CERS1: variants seen among roughly 807,000 people sequenced by gnomAD.
CERS1 encodes the protein Embryonic growth/differentiation factor 1.
Under a neutral mutation model 35.7 loss-of-function variants are expected in CERS1, and 16 were observed. The observed-to-expected ratio is 0.45, with a 90% CI of 0.30 to 0.68. The LOEUF (loss-of-function observed/expected upper bound fraction) is 0.68. Ranked by LOEUF, CERS1 falls within the 30% of genes least tolerant of loss-of-function variation. The pLI is 0.08. For synonymous variants in CERS1, 243 were observed against 201.6 expected (o/e 1.21, Z -1.74); for missense variants, 454 against 453.9 (o/e 1.00, Z 0.00).
intron 3 of CERS1, among the ~76,000 whole-genome samples, chr19:18,883,649 C>T (rs945786823): frequency 6.6e-6 from 1 of 152,228 alleles, no homozygotes; most frequent in Non-Finnish European, 1.5e-5. Context: ...TTTGGACAGA[C>T]TCCATCTGAA....
intron 2 of CERS1, among the ~76,000 whole-genome samples, chr19:18,890,611 C>G (rs952890125): frequency 2.6e-5 from 4 of 151,050 alleles, no homozygotes; most frequent in Non-Finnish European, 5.9e-5. Context: ...GACCCCATCT[C>G]TACCAAAAAA....
Position 18,893,430 on chromosome 19 carries a change from G to C in CERS1, c.395C>G (p.Pro132Arg), listed in dbSNP as rs376346732. ...GTDYPFFHDP[P>R]SVFYDWTPGM... ...AGGGCCCCTACCGTAGAAGACAGAT[G>C]GTGGGTCATGGAAGAAGGGGTAGTC... is the stretch of plus-strand genomic sequence containing the variant. The change falls in exon 2 of 8, where the codon CCA (proline) becomes CGA (arginine). Residue 132 changes from proline to arginine, a missense_variant. Transcript: ENST00000623882. 1.9e-6 allele frequency: 3 copies of C among 1,604,570 alleles called. No individual in the cohort carries two copies. The highest frequency in any genetic ancestry group is 2.7e-5 in the African/African-American group (2 of 74,762).
Position 18,895,755 on chromosome 19 carries a change from G to T in CERS1, c.249+69C>A. ...GCTGGAAGAAAGGAACGCGCCGGCG[G>T]CCCCAGGTCCCCGGTCCCGGCTTCC... On this transcript the variant is annotated intron_variant, in intron 1 of 7. Coordinates refer to ENST00000623882, the MANE Select transcript of CERS1 (RefSeq NM_021267.5). This position sits in a 1 kb window ranked among gnomAD's most constrained non-coding sequence, Gnocchi z 6.4. 1.1e-6 allele frequency: 1 copy of T among 883,410 alleles called. No homozygotes were observed. The highest frequency in any genetic ancestry group is 1.4e-6 in the Non-Finnish European group (1 of 691,598). The allele number at this position is 883,410 out of a possible 1,614,324, so 54.7% of individuals were successfully genotyped here.
chr19:18,874,653 G>A (rs999139781), intron 6 of CERS1, among the ~76,000 whole-genome samples: 3 of 152,238 alleles, frequency 2.0e-5, no homozygotes, highest in Non-Finnish European at 4.4e-5. Context: ...TCATGACAAG[G>A]ACATGGGAGT....
chr19:18,882,531 C>T (rs1223577313), intron 3 of CERS1, among the ~76,000 whole-genome samples: 1 of 151,536 alleles, frequency 6.6e-6, no homozygotes, highest in Non-Finnish European at 1.5e-5. Flanking sequence ...ACTTGGGAGG[C>T]TGAGGCGAGG....
Position 18,887,562 on chromosome 19 carries a change from T to G in CERS1, c.410-3295A>C, listed in dbSNP as rs1396021209. 2.0e-5 allele frequency among the ~76,000 whole-genome samples: 3 copies of G among 152,096 alleles called. No individual in the cohort carries two copies. The East Asian group carries it at 5.8e-4, about 29-fold the overall frequency. On this transcript the variant is annotated intron_variant, in intron 2 of 7. Transcript: ENST00000623882. ...GAGTTGGAGACCAGCCTGGCCAACA[T>G]GGCGAAACCCTGTCTGTACTAAAAA...
In CERS1 at chr19:18,878,079, A is replaced by G; in HGVS notation, c.1010+851T>C. ...CCTCCCGTTCCAAAAAACGTCACGG[A>G]GCTCTGAGCCACTGCTTCCCTGAAA... On this transcript the variant is annotated intron_variant, in intron 6 of 7. Coordinates refer to ENST00000623882, the MANE Select transcript of CERS1 (RefSeq NM_021267.5). This position sits in a 1 kb window ranked among gnomAD's most constrained non-coding sequence, Gnocchi z 4.6. 7 of 985,472 alleles carry G rather than the reference A, an allele frequency of 7.1e-6. No homozygotes were observed. The highest frequency in any genetic ancestry group is 8.4e-6 in the Non-Finnish European group (7 of 829,962). The allele number at this position is 985,472 out of a possible 1,614,324, so 61.0% of individuals were successfully genotyped here.
rs1273796772 is a variant in CERS1, at chr19:18,869,075, C to T, written c.*910G>A. The stretch of plus-strand genomic sequence containing the variant: ...CCGGGGGCGTAGCGCCAGCGCCAGG[C>T]GGAGGCTGCGCGGCCATGAGGCGTT... On this transcript the variant is annotated 3_prime_UTR_variant, in exon 8 of 8. Coordinates refer to ENST00000623882, the MANE Select transcript of CERS1 (RefSeq NM_021267.5). 2 of 1,060,172 alleles carry T rather than the reference C, an allele frequency of 1.9e-6. No individual in the cohort carries two copies. The highest frequency in any genetic ancestry group is 5.5e-5 in the Admixed American group (1 of 18,114). The allele number at this position is 1,060,172 out of a possible 1,614,324, so 65.7% of individuals were successfully genotyped here. A position where few individuals can be genotyped will look rare whatever the true frequency, so the allele number is the denominator to read the frequency against.
chr19:18,869,685 G>A (rs909012453), intron 7 of CERS1, among the ~76,000 whole-genome samples: 15 of 150,798 alleles, frequency 9.9e-5, no homozygotes, highest in Non-Finnish European at 1.8e-4. Flanking sequence ...GCCATGCTAG[G>A]GTGTGGGGAT....
chr19:18,888,287 A>T (rs2056408057), intron 2 of CERS1, among the ~76,000 whole-genome samples: 2 of 152,140 alleles, frequency 1.3e-5, no homozygotes, highest in Middle Eastern at 6.8e-3. Context: ...TGAACCTGGG[A>T]GGCAGAGGTT....
In CERS1 at chr19:18,893,689, C is replaced by T. The variant is rs546520976; in HGVS notation, c.250-114G>A. On this transcript the variant is annotated intron_variant, in intron 1 of 7. Coordinates refer to ENST00000623882, the MANE Select transcript of CERS1 (RefSeq NM_021267.5). ...CCCAGGCCGGGCAGCACTGGGAAGG[C>T]CTGTCCCCCATGCCCACAGCCACCT... 64 of 1,101,990 alleles carry T rather than the reference C, an allele frequency of 5.8e-5. 1 individual carries two copies. The South Asian group carries it at 9.5e-4, about 16-fold the overall frequency. 68.3% of individuals were successfully genotyped at this position (1,101,990 alleles called of 1,614,324 possible).
Position 18,884,223 on chromosome 19 carries a change from AGGCGG to A in CERS1, c.449_453del (p.Ala150ValfsTer62). The A allele has an allele frequency of 6.2e-7, 1 of 1,613,416 alleles. No individual in the cohort carries two copies. The highest frequency in any genetic ancestry group is 8.5e-7 in the Non-Finnish European group (1 of 1,179,808). ...CCATAGAAGCTTCCCTGGAGCAGGTAGGCGGCTGCAATGTCCCGTGGCACTGCCAT... is the reference window on the plus strand; with the variant it reads ...CCATAGAAGCTTCCCTGGAGCAGGTACTGCAATGTCCCGTGGCACTGCCAT... On this transcript the variant is annotated frameshift_variant, in exon 3 of 8. Coordinates refer to ENST00000623882, the MANE Select transcript of CERS1 (RefSeq NM_021267.5). LOFTEE classifies it high-confidence loss of function.
chr19:18,893,735 A>G (rs1477013279), intron 1 of CERS1, among the ~76,000 whole-genome samples, 160 bp from the exon 2 acceptor site: 1 of 152,104 alleles, frequency 6.6e-6, no homozygotes, highest in African/African-American at 2.4e-5. Context: ...CAGAGCCCAC[A>G]GGCGCCTGCC....
In CERS1 at chr19:18,870,367, G is replaced by C; in HGVS notation, c.*210C>G. On this transcript the variant is annotated 3_prime_UTR_variant, in exon 7 of 8. Coordinates refer to ENST00000623882, the MANE Select transcript of CERS1 (RefSeq NM_021267.5). The surrounding 1 kb of genome is among the most constrained non-coding windows in gnomAD (Gnocchi z 5.1). The stretch of plus-strand genomic sequence containing the variant: ...GTCCGCGGCGGCCCGGGACCAGTGG[G>C]CTGAGGGCGGGGCCGGTGTCCCCGG... 6.5e-7 allele frequency: 1 copy of C among 1,535,724 alleles called. No homozygotes were observed. Among genetic ancestry groups the C allele is most frequent in the African/African-American group, 1.4e-5 (1 of 72,576 alleles).
At position 18,895,389 on chromosome 19, in the gene CERS1, C is replaced by G. The variant is rs183991779; in HGVS notation, c.249+435G>C. Among the ~76,000 whole-genome samples the G allele has an allele frequency of 5.3e-4, 80 of 152,160 alleles. No individual in the cohort carries two copies. The highest frequency in any genetic ancestry group is 1.1e-3 in the Non-Finnish European group (72 of 68,020). ...GCGGTGCGCCGAGCCCTCCCGTTCC[C>G]GGTCCTGGGCTTCTCAGTGTCTGGC... On this transcript the variant is annotated intron_variant, in intron 1 of 7. Coordinates refer to ENST00000623882, the MANE Select transcript of CERS1 (RefSeq NM_021267.5). The surrounding 1 kb of genome is among the most constrained non-coding windows in gnomAD (Gnocchi z 6.4).
In CERS1 at chr19:18,870,933, C is replaced by T. The variant is rs1011941440; in HGVS notation, c.1011-314G>A. Among the ~76,000 whole-genome samples, 1 of 152,166 alleles carries T rather than the reference C, an allele frequency of 6.6e-6. No individual in the cohort carries two copies. Among genetic ancestry groups the T allele is most frequent in the Non-Finnish European group, 1.5e-5 (1 of 68,024 alleles). ...CCAGGCCGCTGGAGGGCAAAACCCA[C>T]GTACCGGCCTGGGCCTGACAACTCC... On this transcript the variant is annotated intron_variant, in intron 6 of 7. Coordinates refer to ENST00000623882, the MANE Select transcript of CERS1 (RefSeq NM_021267.5). The surrounding 1 kb of genome is among the most constrained non-coding windows in gnomAD (Gnocchi z 5.1).
intron 1 of CERS1, among the ~76,000 whole-genome samples, chr19:18,894,584 G>A (rs767434118): frequency 2.0e-5 from 3 of 152,108 alleles, no homozygotes; most frequent in African/African-American, 7.2e-5. Flanking sequence ...CAGGGGTGGG[G>A]GACGGCTTGC....
intron 3 of CERS1, among the ~76,000 whole-genome samples, chr19:18,882,584 C>T (rs2056239313): frequency 6.6e-6 from 1 of 151,804 alleles, no homozygotes; most frequent in East Asian, 2.0e-4. Flanking sequence ...TTGCAGTAAG[C>T]CAATGTCATG....
At chr19:18,888,889 C>CTTTTTTTTTTTT (rs756124590) in intron 2 of CERS1, among the ~76,000 whole-genome samples, 1 of 122,926 alleles carries the variant, frequency 8.1e-6, no homozygotes, top group African/African-American at 3.1e-5. Flanking sequence ...TTCTTTCTTT[C>CTTTTTTTTTTTT]TTTTTTTTTT....
Sources: gnomAD v4.1 joint callset for allele counts (sites outside exome capture counted in the v4.1 genomes callset) on GRCh38, gnomAD v4.1.1 for gene constraint, Gnocchi (gnomAD v3.1) non-coding constraint, MANE v1.5 for transcripts, NCBI Gene and HGNC (gene_info 2026-07-23, HGNC 2026-07-21) for gene names.